Variants in BORCS8 observed in about 807,000 individuals in gnomAD.
The protein encoded by BORCS8 is BLOC-1-related complex subunit 8.
In BORCS8, 13 loss-of-function variants were observed where a neutral mutation model predicts 18.7. The observed-to-expected ratio is 0.70, with a 90% confidence interval of 0.45 to 1.11. The LOEUF is 1.11. BORCS8 is among the 50% of genes least tolerant of loss of function. BORCS8 has a pLI of 0.00. For missense variants in BORCS8, 165 were observed against 165.7 expected, an observed-to-expected ratio of 1.00 and a Z score of 0.02; for synonymous variants, 68 against 64.8, an observed-to-expected ratio of 1.05 and a Z score of -0.24.
chr19:19,189,847 G>A (rs1159794958), intron 1 of BORCS8, among the ~76,000 whole-genome samples: 1 of 152,066 alleles, frequency 6.6e-6, no homozygotes, highest in East Asian at 1.9e-4. Context: ...GGTCTGACAA[G>A]TGGAGGCTGC....
At chr19:19,187,086 C>A in intron 1 of BORCS8, 81 bp from the exon 2 acceptor site, 2 of 1,106,032 alleles carry the variant, frequency 1.8e-6, no homozygotes, top group Non-Finnish European at 2.6e-6. Flanking sequence ...TGAGCCCAGC[C>A]AGAGCAAAGG....
chr19:19,181,195 G>GA (rs34972463), intron 4 of BORCS8, among the ~76,000 whole-genome samples: 2,573 of 129,750 alleles, frequency 0.02, 54 homozygotes, highest in African/African-American at 0.057. Context: ...GCTCTGTCTT[G>GA]AAAAAAAAAA....
At chr19:19,189,021 G>C (rs1001476162) in intron 1 of BORCS8, among the ~76,000 whole-genome samples, 1 of 152,072 alleles carries the variant, frequency 6.6e-6, no homozygotes, top group Non-Finnish European at 1.5e-5. Flanking sequence ...TTTTATTTGA[G>C]ATGGGGTTTT....
chr19:19,185,987 C>T (rs755413301), intron 3 of BORCS8, 47 bp downstream of exon 3: 42 of 1,538,822 alleles, frequency 2.7e-5, no homozygotes, highest in Non-Finnish European at 3.6e-5. Flanking sequence ...CCCAGGAGGC[C>T]AGAGCAGCAA....
chr19:19,190,712 C>G (rs901786923), intron 1 of BORCS8, among the ~76,000 whole-genome samples: 6 of 151,994 alleles, frequency 3.9e-5, no homozygotes, highest in Admixed American at 3.3e-4. Context: ...CACTTGAACC[C>G]GGGAGGCGGA....
chr19:19,189,920 A>T (rs2060449266), intron 1 of BORCS8, among the ~76,000 whole-genome samples: 1 of 151,886 alleles, frequency 6.6e-6, no homozygotes, highest in African/African-American at 2.4e-5. Flanking sequence ...CTGTCCCAAA[A>T]AAAAAAAAAT....
chr19:19,177,680 GGAAGGA>G (rs1568561719), intron 5 of BORCS8: 4 of 81,662 alleles, frequency 4.9e-5, no homozygotes, highest in African/African-American at 1.3e-4. Flanking sequence ...AAGGAAGGAA[GGAAGGA>G]AGGAAGGAAG....
At position 19,182,217 on chromosome 19, in the gene BORCS8, A is replaced by C; in HGVS notation, c.326+356T>G. On this transcript the variant is annotated intron_variant, in intron 4 of 5. Coordinates refer to ENST00000462790, the MANE Select transcript of BORCS8 (RefSeq NM_001145784.2). This position sits in a 1 kb window ranked among gnomAD's most constrained non-coding sequence, Gnocchi z 4.1. ...CCCGGATCGTCTCTGTCTGCATGTA[A>C]CTCATGCCACCTCCTAGGAGGGGCC... 1 of 383,522 alleles carries C rather than the reference A, an allele frequency of 2.6e-6. No individual in the cohort carries two copies. Among genetic ancestry groups the C allele is most frequent in the South Asian group, 8.4e-5 (1 of 11,846 alleles). 23.8% of individuals were successfully genotyped at this position (383,522 alleles called of 1,614,324 possible).
At chr19:19,187,370 G>A (rs1277055506) in intron 1 of BORCS8, among the ~76,000 whole-genome samples, 1 of 151,794 alleles carries the variant, frequency 6.6e-6, no homozygotes, top group Non-Finnish European at 1.5e-5. Flanking sequence ...AGCTATTCTG[G>A]AGGCTGAGGC....
chr19:19,181,397 G>A (rs183260520), intron 4 of BORCS8, among the ~76,000 whole-genome samples: 1 of 152,282 alleles, frequency 6.6e-6, no homozygotes, highest in East Asian at 1.9e-4. Context: ...GGCCACGTCT[G>A]CAACTCACTC....
At position 19,180,694 on chromosome 19, in the gene BORCS8, G is replaced by A. The variant is rs1249704081; in HGVS notation, c.*34C>T. 1.9e-6 allele frequency: 3 copies of A among 1,546,342 alleles called. No homozygotes were observed. The highest frequency in any genetic ancestry group is 2.0e-4 in the Middle Eastern group (1 of 4,886). ...CTACCCTCGGCACTGACCTGGGTTG[G>A]CGGAGGCTGGGGGGCCCCGAGTCTC... On this transcript the variant is annotated 3_prime_UTR_variant, in exon 5 of 6. Transcript: ENST00000462790.
At chr19:19,185,555 G>GGGCGCCTGTAGTCCCA (rs2060398572) in intron 3 of BORCS8, among the ~76,000 whole-genome samples, 1 of 152,136 alleles carries the variant, frequency 6.6e-6, no homozygotes, top group South Asian at 2.1e-4. Flanking sequence ...GCAAGGTGGC[G>GGGCGCCTGTAGTCCCA]GGCGCCTGTA....
At position 19,182,651 on chromosome 19, in the gene BORCS8, T is replaced by G; in HGVS notation, c.248A>C (p.Tyr83Ser). 1 of 1,551,126 alleles carries G rather than the reference T, an allele frequency of 6.4e-7. No homozygotes were observed. The highest frequency in any genetic ancestry group is 1.2e-5 in the South Asian group (1 of 84,046). ...AVKNLVDSSV[Y>S]FRSVEGLLKQ... ...GAGCAGACCCTCCACGCTGCGGAAG[T>G]AGACGCTGCTGTCCACCAGGTTCTT... The change falls in exon 4 of 6, where the codon TAC becomes TCC. Residue 83 changes from tyrosine to serine, a missense_variant. By Grantham distance (144) the Tyr-to-Ser change is moderately radical. Coordinates refer to ENST00000462790, the MANE Select transcript of BORCS8 (RefSeq NM_001145784.2). The surrounding 1 kb of genome is among the most constrained non-coding windows in gnomAD (Gnocchi z 4.1).
chr19:19,190,834 C>T (rs1250899952), intron 1 of BORCS8, among the ~76,000 whole-genome samples: 1 of 152,004 alleles, frequency 6.6e-6, no homozygotes, highest in Non-Finnish European at 1.5e-5. Context: ...AGACAAGGCA[C>T]GGTGGCTCAT....
Position 19,182,246 on chromosome 19 carries a change from C to T in BORCS8, c.326+327G>A. ...ATGCCACCTCCTAGGAGGGGCCCCG[C>T]AGTGTTCTTCACAGCGCATCTGACA... On this transcript the variant is annotated intron_variant, in intron 4 of 5. Coordinates refer to ENST00000462790, the MANE Select transcript of BORCS8 (RefSeq NM_001145784.2). The surrounding 1 kb of genome is among the most constrained non-coding windows in gnomAD (Gnocchi z 4.1). The T allele has an allele frequency of 2.2e-6, 1 of 444,852 alleles. No individual in the cohort carries two copies. Among genetic ancestry groups the T allele is most frequent in the Non-Finnish European group, 3.2e-6 (1 of 310,958 alleles). 27.6% of individuals were successfully genotyped at this position (444,852 alleles called of 1,614,324 possible).
At chr19:19,188,164 G>A (rs1206641940) in intron 1 of BORCS8, among the ~76,000 whole-genome samples, 5 of 152,050 alleles carry the variant, frequency 3.3e-5, no homozygotes, top group African/African-American at 1.2e-4. Context: ...CGCGTAGCTG[G>A]GACTACAGGC....
chr19:19,177,688 GGAAGGAAGAGAAAAGAAAAGAAA>G (rs2060308178), intron 5 of BORCS8: 5 of 53,690 alleles, frequency 9.3e-5, no homozygotes, highest in African/African-American at 4.1e-4. Flanking sequence ...AAGGAAGGAA[GGAAGGAAGAGAAAAGAAAAGAAA>G]AGAAAAGAAA....
chr19:19,182,061 C>T lies in BORCS8; in HGVS notation c.326+512G>A, dbSNP rs2060354229. The T allele has an allele frequency of 1.0e-6, 1 of 985,706 alleles. No individual in the cohort carries two copies. Among genetic ancestry groups the T allele is most frequent in the African/African-American group, 1.7e-5 (1 of 57,328 alleles). The allele number at this position is 985,706 out of a possible 1,614,324, so 61.1% of individuals were successfully genotyped here. A position where few individuals can be genotyped will look rare whatever the true frequency, so the allele number is the denominator to read the frequency against. On this transcript the variant is annotated intron_variant, in intron 4 of 5. Transcript: ENST00000462790. This position sits in a 1 kb window ranked among gnomAD's most constrained non-coding sequence, Gnocchi z 4.1. ...GGACAGGGAGAGGCCCCTGCCATCT[C>T]CCTGGCCCCATCTCCCCCAGCTGGC... is the stretch of plus-strand genomic sequence containing the variant.
chr19:19,179,296 C>G (rs1421548154), intron 5 of BORCS8: 1 of 152,742 alleles, frequency 6.5e-6, no homozygotes, highest in East Asian at 1.9e-4. Flanking sequence ...TGGAAAGCTC[C>G]CAGGCCACCC....
Sources: gnomAD v4.1 joint callset for allele counts (sites outside exome capture counted in the v4.1 genomes callset) on GRCh38, gnomAD v4.1.1 for gene constraint, Gnocchi (gnomAD v3.1) non-coding constraint, MANE v1.5 for transcripts, NCBI Gene and HGNC (gene_info 2026-07-23, HGNC 2026-07-21) for gene names.